Variants in BCKDHB observed in about 807,000 individuals in gnomAD.
BCKDHB encodes branched chain keto acid dehydrogenase E1 subunit beta.
BCKDHB carries 41 observed loss-of-function variants against 48.5 expected under a neutral mutation model. The observed-to-expected ratio is 0.85, with a 90% confidence interval of 0.66 to 1.10. The LOEUF is 1.10. BCKDHB is among the 50% of genes least tolerant of loss of function. The probability of loss-of-function intolerance (pLI) is 0.00; values close to 1 mark genes in which losing one functional copy is unlikely to be tolerated. For synonymous variants in BCKDHB, 201 were observed against 174.8 expected, an observed-to-expected ratio of 1.15 and a Z score of -1.18; for missense variants, 496 against 494.2, an observed-to-expected ratio of 1.00 and a Z score of -0.03.
the BCKDHB span, among the ~76,000 whole-genome samples, chr6:80,460,326 T>C: frequency 3.3e-5 from 5 of 152,282 alleles, no homozygotes; most frequent in African/African-American, 1.2e-4. Context: ...AGAAAACTTT[T>C]CTTAATTATA....
the BCKDHB span, among the ~76,000 whole-genome samples, chr6:80,417,996 A>C: frequency 6.6e-6 from 1 of 152,066 alleles, no homozygotes; most frequent in Non-Finnish European, 1.5e-5. Flanking sequence ...ATCTCTTTAC[A>C]TAATCCCATA....
At chr6:80,222,060 T>C (rs1562149685) in intron 8 of BCKDHB, among the ~76,000 whole-genome samples, 1 of 152,216 alleles carries the variant, frequency 6.6e-6, no homozygotes, top group African/African-American at 2.4e-5. Context: ...TATGTACCCA[T>C]TACCCAAATA....
chr6:80,177,225 C>CAAAAAAAAAAAAAAAAAAA (rs575991853), intron 6 of BCKDHB, among the ~76,000 whole-genome samples: 1 of 43,160 alleles, frequency 2.3e-5, no homozygotes, highest in Admixed American at 3.5e-4. Context: ...GACCTTGTCT[C>CAAAAAAAAAAAAAAAAAAA]AAAAAAAAAA....
chr6:80,117,711 A>G (rs1769779626), intron 1 of BCKDHB, among the ~76,000 whole-genome samples: 1 of 152,256 alleles, frequency 6.6e-6, no homozygotes, highest in African/African-American at 2.4e-5. Flanking sequence ...TGCTGCAGAT[A>G]GCTAGCCCAG....
At chr6:80,141,995 T>C (rs1404375617) in intron 3 of BCKDHB, among the ~76,000 whole-genome samples, 1 of 152,136 alleles carries the variant, frequency 6.6e-6, no homozygotes, top group Admixed American at 6.6e-5. Flanking sequence ...ATTTCTTGAA[T>C]GAGTACACCC....
intron 6 of BCKDHB, among the ~76,000 whole-genome samples, chr6:80,184,597 A>G (rs1006516176): frequency 8.6e-5 from 13 of 151,098 alleles, no homozygotes; most frequent in Admixed American, 7.2e-4. Context: ...AAGATTTAGA[A>G]CTCCTTTTAG....
At chr6:80,382,355 C>T in the BCKDHB span, among the ~76,000 whole-genome samples, 1 of 152,170 alleles carries the variant, frequency 6.6e-6, no homozygotes, top group African/African-American at 2.4e-5. Context: ...AGCCCCTTCT[C>T]ATTCAGAGAG....
intron 3 of BCKDHB, among the ~76,000 whole-genome samples, chr6:80,146,643 C>T (rs1179400001): frequency 6.6e-6 from 1 of 152,070 alleles, no homozygotes; most frequent in African/African-American, 2.4e-5. Flanking sequence ...GTGGGGCAGC[C>T]AAGAACCAGC....
the BCKDHB span, among the ~76,000 whole-genome samples, chr6:80,409,707 T>G: frequency 6.7e-6 from 1 of 148,520 alleles, no homozygotes; most frequent in Admixed American, 6.8e-5. Flanking sequence ...TGACTTTTGT[T>G]GGTTTAAAGT....
the BCKDHB span, among the ~76,000 whole-genome samples, chr6:80,411,243 G>C: frequency 1.3e-5 from 2 of 152,178 alleles, no homozygotes; most frequent in Non-Finnish European, 2.9e-5. Context: ...GTCCACTCCA[G>C]ATCCTGTTTG....
At chr6:80,314,175 A>G (rs1321186548) in intron 9 of BCKDHB, among the ~76,000 whole-genome samples, 3 of 152,172 alleles carry the variant, frequency 2.0e-5, no homozygotes, top group Non-Finnish European at 4.4e-5. Context: ...ACTTCAGATT[A>G]TGTGATCCAT....
chr6:80,408,771 C>T, the BCKDHB span, among the ~76,000 whole-genome samples: 4 of 146,722 alleles, frequency 2.7e-5, no homozygotes, highest in East Asian at 2.0e-4. Context: ...GTGTTGCTAG[C>T]GGTCTATCTA....
chr6:80,381,394 T>G, the BCKDHB span, among the ~76,000 whole-genome samples: 1 of 152,106 alleles, frequency 6.6e-6, no homozygotes, highest in Non-Finnish European at 1.5e-5. Context: ...TATTTTGCCT[T>G]TTGTACACAA....
chr6:80,340,967 G>C (rs1020770909), intron 9 of BCKDHB, among the ~76,000 whole-genome samples: 1 of 152,156 alleles, frequency 6.6e-6, no homozygotes, highest in Admixed American at 6.5e-5. Context: ...ATTGACCTAA[G>C]GGTCTTATTT....
chr6:80,360,417 G>A, the BCKDHB span, among the ~76,000 whole-genome samples: 2 of 152,194 alleles, frequency 1.3e-5, no homozygotes, highest in Admixed American at 6.5e-5. Context: ...GTGCACAAGA[G>A]TAGCTCAATG....
chr6:80,383,680 T>G, the BCKDHB span, among the ~76,000 whole-genome samples: 2 of 152,124 alleles, frequency 1.3e-5, 1 homozygote, highest in Non-Finnish European at 2.9e-5. Flanking sequence ...TAATGTTTTT[T>G]TAATCAGTAG....
the BCKDHB span, among the ~76,000 whole-genome samples, chr6:80,404,706 A>G: frequency 6.6e-6 from 1 of 151,952 alleles, no homozygotes; most frequent in African/African-American, 2.4e-5. Flanking sequence ...TATTGCTATA[A>G]ACTTCTTAGA....
the BCKDHB span, among the ~76,000 whole-genome samples, chr6:80,422,507 A>T: frequency 6.6e-6 from 1 of 152,196 alleles, no homozygotes; most frequent in African/African-American, 2.4e-5. Context: ...AGGTAGATAC[A>T]TTGAAAGCTT....
chr6:80,152,099 C>A (rs1433906552), intron 3 of BCKDHB, among the ~76,000 whole-genome samples: 1 of 151,780 alleles, frequency 6.6e-6, no homozygotes, highest in Admixed American at 6.6e-5. Flanking sequence ...GGAAAAACAG[C>A]TTTGGTTGTA....
Sources: gnomAD v4.1 joint callset for allele counts (sites outside exome capture counted in the v4.1 genomes callset) on GRCh38, gnomAD v4.1.1 for gene constraint, MANE v1.5 for transcripts, NCBI Gene and HGNC (gene_info 2026-07-23, HGNC 2026-07-21) for gene names.